The following CRADD variants were observed in gnomAD, a reference collection of about 807,000 sequenced individuals.
CRADD encodes death domain-containing protein CRADD.
In CRADD, 9 loss-of-function variants were observed where a neutral mutation model predicts 15.5. That is an observed-to-expected ratio of 0.58 (90% CI 0.35 to 1.01). The LOEUF is 1.01. Ranked by LOEUF, CRADD falls within the 50% of genes least tolerant of loss-of-function variation. CRADD has a pLI of 0.02. For synonymous variants in CRADD, 118 were observed against 107.6 expected, an observed-to-expected ratio of 1.10 and a Z score of -0.60; for missense variants, 227 against 250.3, an observed-to-expected ratio of 0.91 and a Z score of 0.63.
chr12:93,890,176 T>C (rs180680700), intron 2 of CRADD, among the ~76,000 whole-genome samples: 1 of 152,376 alleles, frequency 6.6e-6, no homozygotes, highest in East Asian at 1.9e-4. Context: ...TAGCTGTGTG[T>C]ATTTTGGATA....
intron 2 of CRADD, among the ~76,000 whole-genome samples, chr12:93,820,516 TC>T (rs1296539964): frequency 6.8e-6 from 1 of 147,576 alleles, no homozygotes; most frequent in African/African-American, 2.5e-5. Flanking sequence ...ACCACTGCAC[TC>T]CAGGCTGGGC....
chr12:93,880,972 C>G (rs1435312402), intron 2 of CRADD, among the ~76,000 whole-genome samples: 1 of 152,186 alleles, frequency 6.6e-6, no homozygotes, highest in Non-Finnish European at 1.5e-5. Flanking sequence ...GTTTAGCCAC[C>G]CTTAGGCAAA....
chr12:93,878,335 G>T (rs1958471804), intron 2 of CRADD, among the ~76,000 whole-genome samples: 1 of 152,120 alleles, frequency 6.6e-6, no homozygotes, highest in South Asian at 2.1e-4. Flanking sequence ...GTCCTTTCCT[G>T]CTGTGGCTGA....
chr12:93,838,214 G>GTTTT lies in CRADD; in HGVS notation c.299-11740_299-11737dup, dbSNP rs66564800. Among the ~76,000 whole-genome samples the GTTTT allele has an allele frequency of 8.0e-4, 105 of 130,580 alleles. 2 individuals carry two copies. The highest frequency in any genetic ancestry group is 1.5e-3 in the African/African-American group (52 of 34,448). The allele number at this position is 130,580 out of a possible 152,430, so 85.7% of individuals were successfully genotyped here. A position where few individuals can be genotyped will look rare whatever the true frequency, so the allele number is the denominator to read the frequency against. On this transcript the variant is annotated intron_variant, in intron 2 of 2. Coordinates refer to ENST00000332896, the MANE Select transcript of CRADD (RefSeq NM_003805.5). ...GGTTCTAATTAGTTTTCCTTTTGAGGTTTTTTTTTTTTTTTTTTTCTTTTT... is the reference window on the plus strand; with the variant it reads ...GGTTCTAATTAGTTTTCCTTTTGAGGTTTTTTTTTTTTTTTTTTTTTTTCTTTTT...
chr12:93,770,387 G>A (rs1329362236), intron 2 of CRADD, among the ~76,000 whole-genome samples: 3 of 152,008 alleles, frequency 2.0e-5, no homozygotes, highest in African/African-American at 7.2e-5. Flanking sequence ...GTGAGCCACC[G>A]CGCCCGGCCC....
At chr12:93,773,540 C>T (rs1592977852) in intron 2 of CRADD, among the ~76,000 whole-genome samples, 1 of 152,232 alleles carries the variant, frequency 6.6e-6, no homozygotes, top group South Asian at 2.1e-4. Context: ...ATGTCTGTAT[C>T]AGCAGTGTGA....
intron 2 of CRADD, among the ~76,000 whole-genome samples, chr12:93,886,162 C>CT (rs761719331): frequency 0.057 from 7,011 of 123,842 alleles, 416 homozygotes; most frequent in African/African-American, 0.073. Flanking sequence ...GCTGCTGATG[C>CT]TTTTTTTTTT....
At chr12:93,766,270 C>T (rs1326161563) in intron 2 of CRADD, among the ~76,000 whole-genome samples, 2 of 152,182 alleles carry the variant, frequency 1.3e-5, no homozygotes, top group African/African-American at 2.4e-5. Flanking sequence ...TTTAGCTTAG[C>T]AGACAGGCTG....
chr12:93,679,989 T>C (rs1955244369), intron 2 of CRADD, among the ~76,000 whole-genome samples: 1 of 152,184 alleles, frequency 6.6e-6, no homozygotes, highest in Non-Finnish European at 1.5e-5. Context: ...AGTATTTAAT[T>C]TTGCAAAGAG....
intron 2 of CRADD, among the ~76,000 whole-genome samples, chr12:93,801,109 G>T (rs1957472398): frequency 1.3e-5 from 2 of 152,196 alleles, no homozygotes; most frequent in Non-Finnish European, 2.9e-5. Context: ...ACCACATCAG[G>T]AGGTACATAA....
chr12:93,831,455 A>G (rs1380910453), intron 2 of CRADD: 1 of 152,216 alleles, frequency 6.6e-6, no homozygotes, highest in South Asian at 2.1e-4. Flanking sequence ...GAATCACACA[A>G]TTTCAAAGCC....
At chr12:93,851,512 A>G (rs1208235662), downstream of CRADD, among the ~76,000 whole-genome samples, 13 of 152,212 alleles carry the variant, frequency 8.5e-5, no homozygotes, top group Non-Finnish European at 1.5e-5. Context: ...TAAAGCAATA[A>G]TGTCCGCCAA....
chr12:93,776,933 G>A (rs1957146360), intron 2 of CRADD, among the ~76,000 whole-genome samples: 2 of 152,180 alleles, frequency 1.3e-5, no homozygotes, highest in South Asian at 4.1e-4. Flanking sequence ...CTGGCATGAT[G>A]GGAATGTTCT....
chr12:93,828,155 T>A (rs563502386), intron 2 of CRADD, among the ~76,000 whole-genome samples: 1 of 152,198 alleles, frequency 6.6e-6, no homozygotes, highest in South Asian at 2.1e-4. Flanking sequence ...ATTTAAAAAA[T>A]TGGGTTATTT....
At chr12:93,810,927 T>A (rs1003057700) in intron 2 of CRADD, among the ~76,000 whole-genome samples, 24 of 152,238 alleles carry the variant, frequency 1.6e-4, no homozygotes, top group African/African-American at 5.8e-4. Flanking sequence ...AACTCCCTTG[T>A]CTTGAGCTAA....
intron 2 of CRADD, among the ~76,000 whole-genome samples, chr12:93,836,456 T>G (rs1217176861): frequency 6.6e-6 from 1 of 152,214 alleles, no homozygotes; most frequent in African/African-American, 2.4e-5. Context: ...TTGCCTGTCT[T>G]TCTCTTTTCA....
chr12:93,780,291 A>G (rs1477608192), intron 2 of CRADD, among the ~76,000 whole-genome samples: 1 of 152,268 alleles, frequency 6.6e-6, no homozygotes, highest in East Asian at 1.9e-4. Flanking sequence ...AGATAATGAT[A>G]ATAATAGTTG....
intron 2 of CRADD, among the ~76,000 whole-genome samples, chr12:93,801,356 TTTGA>T (rs1429695107): frequency 6.6e-6 from 1 of 152,182 alleles, no homozygotes; most frequent in African/African-American, 2.4e-5. Flanking sequence ...TCCTTAACTA[TTTGA>T]TTGGCCTTAG....
chr12:93,757,370 A>G (rs1054730288), intron 2 of CRADD, among the ~76,000 whole-genome samples: 9 of 152,304 alleles, frequency 5.9e-5, no homozygotes, highest in African/African-American at 1.4e-4. Context: ...AGAGTCTCCA[A>G]TCTCCCAAAA....
Sources: gnomAD v4.1 joint callset for allele counts (sites outside exome capture counted in the v4.1 genomes callset) on GRCh38, gnomAD v4.1.1 for gene constraint, MANE v1.5 for transcripts, NCBI Gene and HGNC (gene_info 2026-07-23, HGNC 2026-07-21) for gene names.